DAB1: variants seen among roughly 807,000 people sequenced by gnomAD.
The protein encoded by DAB1 is DAB adaptor protein 1, also known as disabled homolog 1.
A neutral mutation model predicts 64.6 loss-of-function variants in DAB1; 15 were observed. The ratio of observed to expected loss-of-function variants is 0.23; its 90% CI spans 0.16 to 0.36. The LOEUF (loss-of-function observed/expected upper bound fraction) is 0.36, where lower values mean the gene tolerates loss of function less well. DAB1 is among the 10% of genes least tolerant of loss of function. The pLI is 1.00. For missense variants in DAB1, 596 were observed against 706.7 expected, an observed-to-expected ratio of 0.84 and a Z score of 1.78; for synonymous variants, 235 against 251.9, an observed-to-expected ratio of 0.93 and a Z score of 0.64.
At chr1:57,313,550 G>A (rs188180872) in intron 1 of DAB1, among the ~76,000 whole-genome samples, 2 of 152,214 alleles carry the variant, frequency 1.3e-5, no homozygotes, top group Non-Finnish European at 2.9e-5. Context: ...GTTGGCCCCG[G>A]TCTGGCCATA....
chr1:57,517,253 C>G (rs941079427), intron 7 of DAB1, among the ~76,000 whole-genome samples: 1 of 152,144 alleles, frequency 6.6e-6, no homozygotes, highest in African/African-American at 2.4e-5. Context: ...CTTCAGACTC[C>G]TGAGCTCAAA....
intron 7 of DAB1, among the ~76,000 whole-genome samples, chr1:57,529,203 T>C (rs759928042): frequency 6.6e-6 from 1 of 152,074 alleles, no homozygotes; most frequent in Admixed American, 6.5e-5. Context: ...ATAATTTATA[T>C]AGCAAGCTCT....
chr1:58,362,915 A>C (rs1268341536), intron 3 of DAB1, among the ~76,000 whole-genome samples: 1 of 152,162 alleles, frequency 6.6e-6, no homozygotes, highest in African/African-American at 2.4e-5. Context: ...ACAGAAATTT[A>C]TTTTCTTACA....
intron 5 of DAB1, among the ~76,000 whole-genome samples, chr1:57,951,116 C>G (rs1645266898): frequency 6.6e-6 from 1 of 151,510 alleles, no homozygotes; most frequent in South Asian, 2.1e-4. Context: ...TTTATTAGAC[C>G]CTGGCACAAG....
At chr1:58,087,437 T>C (rs1035779455) in intron 5 of DAB1, among the ~76,000 whole-genome samples, 8 of 152,212 alleles carry the variant, frequency 5.3e-5, no homozygotes, top group Admixed American at 2.6e-4. Context: ...TCCTATTAGG[T>C]CAGTCAGCCA....
At chr1:57,955,313 ATTGC>A (rs1375261110) in intron 5 of DAB1, among the ~76,000 whole-genome samples, 1 of 152,110 alleles carries the variant, frequency 6.6e-6, no homozygotes, top group African/African-American at 2.4e-5. Context: ...TCTTAGTGGC[ATTGC>A]TTAATATGAC....
At chr1:57,027,453 T>C (rs753146896) in intron 9 of DAB1, among the ~76,000 whole-genome samples, 2 of 152,234 alleles carry the variant, frequency 1.3e-5, no homozygotes, top group African/African-American at 2.4e-5. Context: ...TCTTGCAATG[T>C]ATTTTCATAC....
chr1:57,694,524 A>C (rs1043656040), intron 6 of DAB1, among the ~76,000 whole-genome samples: 14 of 152,154 alleles, frequency 9.2e-5, no homozygotes, highest in African/African-American at 3.4e-4. Flanking sequence ...AACCTGCAGA[A>C]AGGCCCCCCT....
intron 1 of DAB1, among the ~76,000 whole-genome samples, chr1:57,306,691 T>C (rs563323454): frequency 1.3e-5 from 2 of 152,240 alleles, no homozygotes; most frequent in African/African-American, 2.4e-5. Flanking sequence ...CCTGCTCTTA[T>C]GCGAAGCTTT....
intron 1 of DAB1, chr1:58,527,398 CAGAG>C (rs1421093224): frequency 4.9e-6 from 4 of 810,946 alleles, no homozygotes; most frequent in East Asian, 2.4e-5. Flanking sequence ...AGGAGTAACA[CAGAG>C]AGATTTTTAA....
At chr1:58,090,895 G>A (rs1650614503) in intron 5 of DAB1, among the ~76,000 whole-genome samples, 1 of 152,172 alleles carries the variant, frequency 6.6e-6, no homozygotes, top group Non-Finnish European at 1.5e-5. Flanking sequence ...ATTCTGAAGG[G>A]TGAGTACGAG....
intron 6 of DAB1, among the ~76,000 whole-genome samples, chr1:57,661,345 C>T (rs1646384132): frequency 6.6e-6 from 1 of 152,166 alleles, no homozygotes; most frequent in African/African-American, 2.4e-5. Context: ...TTATACTGAA[C>T]CTCACCAGCC....
intron 5 of DAB1, among the ~76,000 whole-genome samples, chr1:58,128,306 T>C (rs2100688691): frequency 6.7e-6 from 1 of 150,286 alleles, no homozygotes; most frequent in Non-Finnish European, 1.5e-5. Flanking sequence ...TGTACATTGA[T>C]TTTGTATCCT....
At chr1:57,747,832 A>G (rs1043760350) in intron 6 of DAB1, among the ~76,000 whole-genome samples, 47 of 145,794 alleles carry the variant, frequency 3.2e-4, no homozygotes, top group Non-Finnish European at 6.2e-4. Flanking sequence ...AAAAAAAAAA[A>G]AGAATACCAT....
At chr1:57,237,649 T>G (rs1056459144) in intron 2 of DAB1, among the ~76,000 whole-genome samples, 1 of 152,236 alleles carries the variant, frequency 6.6e-6, no homozygotes, top group African/African-American at 2.4e-5. Context: ...CATTTGCTCA[T>G]GCACTGATGG....
chr1:57,238,808 C>A (rs1469716586), intron 2 of DAB1, among the ~76,000 whole-genome samples: 1 of 151,554 alleles, frequency 6.6e-6, no homozygotes, highest in African/African-American at 2.4e-5. Context: ...AAATAATACA[C>A]ACATACACAC....
At chr1:58,396,956 T>A (rs1026352116) in intron 3 of DAB1, among the ~76,000 whole-genome samples, 1 of 151,600 alleles carries the variant, frequency 6.6e-6, no homozygotes, top group Admixed American at 6.6e-5. Context: ...TCCCAGCTAC[T>A]CGGGAGGCTG....
intron 5 of DAB1, among the ~76,000 whole-genome samples, chr1:58,134,986 G>A (rs1653861327): frequency 6.6e-6 from 1 of 152,208 alleles, no homozygotes; most frequent in African/African-American, 2.4e-5. Flanking sequence ...GGCTTCATGT[G>A]GAGATGAGGT....
intron 1 of DAB1, among the ~76,000 whole-genome samples, chr1:58,543,886 C>T (rs745668292): frequency 6.6e-6 from 1 of 152,074 alleles, no homozygotes; most frequent in Non-Finnish European, 1.5e-5. Context: ...ATAAGGTAGC[C>T]CCTACATGTG....
Sources: allele counts gnomAD v4.1 joint callset (sites outside exome capture counted in the v4.1 genomes callset), GRCh38; gene constraint gnomAD v4.1.1; transcripts MANE v1.5; gene names NCBI Gene and HGNC (gene_info 2026-07-23, HGNC 2026-07-21).